Variants in FANCA observed in about 807,000 individuals in gnomAD.
FANCA encodes the protein Fanconi anemia group A protein.
Under a neutral mutation model 194.3 loss-of-function variants are expected in FANCA, and 236 were observed. The observed-to-expected ratio is 1.21, with a 90% CI of 1.09 to 1.35. FANCA has a LOEUF of 1.35. Among genes scored for constraint, FANCA ranks in the 40% most tolerant of loss-of-function variants. FANCA has a pLI of 0.00. For synonymous variants in FANCA, 1,014 were observed against 715.8 expected (o/e 1.42, Z -6.65); for missense variants, 2,628 against 1,813.9 (o/e 1.45, Z -8.15).
intron 3 of FANCA, 134 bp from the exon 4 acceptor site, chr16:89,811,205 T>C (rs1362080415): frequency 9.5e-7 from 1 of 1,048,362 alleles, no homozygotes; most frequent in Non-Finnish European, 1.4e-6. Flanking sequence ...GGAGAATAGA[T>C]GCAAAGGGAA....
At chr16:89,798,807 G>C in intron 10 of FANCA, 2 of 1,442,822 alleles carry the variant, frequency 1.4e-6, no homozygotes, top group East Asian at 5.1e-5. Context: ...GGGGGGCTGA[G>C]AGGCAGGGCC....
intron 31 of FANCA, 101 bp downstream of exon 31, chr16:89,752,037 T>C (rs999611469): frequency 1.6e-5 from 16 of 1,030,968 alleles, no homozygotes; most frequent in Non-Finnish European, 2.4e-5. Context: ...CCCAAAGTTC[T>C]GGGATTACAG....
At chr16:89,803,381 G>C in intron 7 of FANCA, 40 bp from the exon 8 acceptor site, 1 of 1,568,962 alleles carries the variant, frequency 6.4e-7, no homozygotes, top group Non-Finnish European at 8.8e-7. Context: ...TGGACATCAT[G>C]GTCTCCAAGC....
chr16:89,792,600 G>A lies in FANCA; in HGVS notation c.1007-53C>T, dbSNP rs3856. On this transcript the variant is annotated intron_variant, in intron 11 of 42. Transcript: ENST00000389301. ...TCAAGTCAGAGATCAAAAAGTTGTG[G>A]GTTTTTGTTAAGGACCAGCCCCACA... is the stretch of plus-strand genomic sequence containing the variant. The A allele has an allele frequency of 0.36, 560,849 of 1,572,184 alleles. 110,222 individuals carry two copies. The highest frequency in any genetic ancestry group is 0.82 in the East Asian group (35,689 of 43,748).
chr16:89,763,346 C>T (rs904918784), intron 28 of FANCA, among the ~76,000 whole-genome samples: 7 of 152,174 alleles, frequency 4.6e-5, no homozygotes, highest in South Asian at 2.1e-4. Flanking sequence ...CAGGCCAAAG[C>T]AGAAGGATCA....
rs1352891096 is a variant in FANCA, at chr16:89,784,859, G to A, written c.1465C>T (p.Leu489=). The change falls in exon 15 of 43, where the codon CTG becomes TTG. Residue 489 remains leucine, a synonymous_variant. Coordinates refer to ENST00000389301, the MANE Select transcript of FANCA (RefSeq NM_000135.4). ...TGTGGCAGCCAGCTTCTCACCTGCA[G>A]GTACCGGGGAGACTCAAAAGGCACG... ...ELVPFESPRY[L]QVHILHPPLV... 2 of 1,610,806 alleles carry A rather than the reference G, an allele frequency of 1.2e-6. No homozygotes were observed. The highest frequency in any genetic ancestry group is 1.7e-6 in the Non-Finnish European group (2 of 1,176,920).
At position 89,798,223 on chromosome 16, in the gene FANCA, G is replaced by T. The variant is rs991732843; in HGVS notation, c.893+943C>A. On this transcript the variant is annotated intron_variant, in intron 10 of 42. Coordinates refer to ENST00000389301, the MANE Select transcript of FANCA (RefSeq NM_000135.4). ...CAAGCCAGGAAGAGGGTCCTCACCA[G>T]AACCCAACCCTAGGGGCACCCTGAC... 4.2e-4 allele frequency: 195 copies of T among 461,514 alleles called. 2 individuals carry two copies. Among genetic ancestry groups the T allele is most frequent in the Admixed American group, 1.2e-4 (2 of 16,048 alleles). The allele number at this position is 461,514 out of a possible 1,614,324, so 28.6% of individuals were successfully genotyped here. A position where few individuals can be genotyped will look rare whatever the true frequency, so the allele number is the denominator to read the frequency against.
intron 18 of FANCA, among the ~76,000 whole-genome samples, 155 bp from the exon 19 acceptor site, chr16:89,779,158 C>G (rs2302161): frequency 6.6e-6 from 1 of 152,110 alleles, no homozygotes; most frequent in African/African-American, 2.4e-5. Context: ...CGGGACAAGG[C>G]ATGTGTAGGG....
chr16:89,777,832 G>C (rs1385917936), intron 20 of FANCA, among the ~76,000 whole-genome samples: 1 of 151,712 alleles, frequency 6.6e-6, no homozygotes, highest in African/African-American at 2.4e-5. Flanking sequence ...TCTCCTCTCT[G>C]CACAATCATT....
chr16:89,754,240 CAA>C (rs371125752), intron 30 of FANCA, among the ~76,000 whole-genome samples: 60,899 of 147,162 alleles, frequency 0.41, 13,625 homozygotes, highest in East Asian at 0.75. Context: ...AAAAACAAAA[CAA>C]AACAACAACA....
At chr16:89,799,028 A>G in intron 10 of FANCA, 138 bp downstream of exon 10, 2 of 1,614,218 alleles carry the variant, frequency 1.2e-6, no homozygotes, top group South Asian at 2.2e-5. Context: ...CTCCTCACGC[A>G]CGTTATCGTA....
At chr16:89,758,117 G>A (rs1280931629) in intron 30 of FANCA, among the ~76,000 whole-genome samples, 8 of 152,138 alleles carry the variant, frequency 5.3e-5, no homozygotes, top group Admixed American at 3.3e-4. Context: ...TCAGCCTCCC[G>A]AAGTGCTGGG....
chr16:89,806,913 C>T (rs952857307), intron 6 of FANCA, among the ~76,000 whole-genome samples: 11 of 152,134 alleles, frequency 7.2e-5, no homozygotes, highest in Non-Finnish European at 1.5e-4. Context: ...TCCTCACTTC[C>T]CAGTATGGGC....
At chr16:89,759,038 G>A (rs1286603447) in intron 29 of FANCA, among the ~76,000 whole-genome samples, 1 of 152,094 alleles carries the variant, frequency 6.6e-6, no homozygotes, top group Non-Finnish European at 1.5e-5. Flanking sequence ...AATGTAGGCT[G>A]GGGCAGGTGC....
chr16:89,789,031 G>C (rs551197118), intron 14 of FANCA, among the ~76,000 whole-genome samples: 4 of 151,716 alleles, frequency 2.6e-5, no homozygotes, highest in African/African-American at 4.8e-5. Flanking sequence ...GCCGCGGCTC[G>C]GGGAGACCCA....
At chr16:89,778,081 G>A (rs1030352854) in intron 20 of FANCA, among the ~76,000 whole-genome samples, 2 of 140,196 alleles carry the variant, frequency 1.4e-5, no homozygotes, top group Non-Finnish European at 3.0e-5. Context: ...AGAATTCCTT[G>A]AACCCAGGAG....
chr16:89,773,599 A>G (rs534227298), intron 21 of FANCA, among the ~76,000 whole-genome samples: 38 of 152,214 alleles, frequency 2.5e-4, no homozygotes, highest in African/African-American at 7.9e-4. Flanking sequence ...GAGTTTCATA[A>G]AAAATTACAT....
chr16:89,738,399 C>T lies in FANCA; in HGVS notation c.*202G>A, dbSNP rs1180146799. ...TTGGTGTCCGGCTCAAGTAGCCTTC[C>T]TCTGCTCTGGGACCAGTGGTTTATT... On this transcript the variant is annotated 3_prime_UTR_variant, in exon 43 of 43. Coordinates refer to ENST00000389301, the MANE Select transcript of FANCA (RefSeq NM_000135.4). The T allele has an allele frequency of 7.2e-7, 1 of 1,384,514 alleles. No homozygotes were observed. The highest frequency in any genetic ancestry group is 9.7e-7 in the Non-Finnish European group (1 of 1,027,208). The allele number at this position is 1,384,514 out of a possible 1,614,324, so 85.8% of individuals were successfully genotyped here. A position where few individuals can be genotyped will look rare whatever the true frequency, so the allele number is the denominator to read the frequency against.
chr16:89,767,856 A>T (rs1001404749), intron 26 of FANCA, among the ~76,000 whole-genome samples: 1 of 151,892 alleles, frequency 6.6e-6, no homozygotes, highest in Non-Finnish European at 1.5e-5. Context: ...TCGAGTTTTT[A>T]ATTTTTTTTA....
Sources: gnomAD v4.1 joint callset for allele counts (sites outside exome capture counted in the v4.1 genomes callset) on GRCh38, gnomAD v4.1.1 for gene constraint, MANE v1.5 for transcripts, NCBI Gene and HGNC (gene_info 2026-07-23, HGNC 2026-07-21) for gene names.